ATP7B: variants seen among roughly 807,000 people sequenced by gnomAD.
ATP7B encodes the protein copper-transporting ATPase 2.
Under a neutral mutation model 118.9 loss-of-function variants are expected in ATP7B, and 113 were observed. The ratio of observed to expected loss-of-function variants is 0.95; its 90% CI spans 0.82 to 1.11. The LOEUF (loss-of-function observed/expected upper bound fraction) is 1.11. ATP7B is among the 50% of genes most tolerant of loss of function. ATP7B has a pLI of 0.00. For synonymous variants in ATP7B, 777 were observed against 727.4 expected (o/e 1.07, Z -1.10); for missense variants, 1,867 against 1,871.4 (o/e 1.00, Z 0.04).
intron 1 of ATP7B, among the ~76,000 whole-genome samples, chr13:51,979,187 CG>C (rs1276665049): frequency 6.6e-6 from 1 of 152,168 alleles, no homozygotes; most frequent in Non-Finnish European, 1.5e-5. Context: ...ACCAGTCACA[CG>C]GCCAAGCACA....
chr13:51,939,057 G>A lies in ATP7B; in HGVS notation c.3693C>T (p.Ala1231=). The A allele has an allele frequency of 6.2e-7, 1 of 1,614,236 alleles. No individual in the cohort carries two copies. The highest frequency in any genetic ancestry group is 8.5e-7 in the Non-Finnish European group (1 of 1,180,040). ...CAACATTAAAGGGCTGTACCTGGGT[G>A]GCAATAGCTCTGGCTGTCTTCCGGT... ...GDNRKTARAI[A]TQVGINKVFA... is the part of the protein sequence containing the mutation. Residue 1231 remains alanine (A), a synonymous_variant, in exon 17 of 21, where the codon GCC becomes GCT. Transcript: ENST00000242839.
Position 51,950,383 on chromosome 13 carries a change from TG to T in ATP7B, c.2463del (p.Met822TrpfsTer51). On this transcript the variant is annotated frameshift_variant, in exon 10 of 21. Coordinates refer to ENST00000242839, the MANE Select transcript of ATP7B (RefSeq NM_000053.4). LOFTEE classifies it high-confidence loss of function. ...ATATCGCCCCGCTGCACCAGCTCCA[TG>T]GGGACTTGCTCCTCCCTGCAACAAA... ...DNLIIREEQVPMELVQRGDIV... is the reference protein window; with the variant it reads ...DNLIIREEQVXMELVQRGDIV... 2 of 1,614,054 alleles carry T rather than the reference TG, an allele frequency of 1.2e-6. No homozygotes were observed. The highest frequency in any genetic ancestry group is 1.7e-6 in the Non-Finnish European group (2 of 1,180,010).
chr13:51,978,930 C>T (rs1952261672), intron 1 of ATP7B: 1 of 152,342 alleles, frequency 6.6e-6, no homozygotes, highest in East Asian at 1.9e-4. Flanking sequence ...GAAGATAGTT[C>T]ATTCATCACA....
At chr13:52,009,460 C>T (rs1208227556) in intron 1 of ATP7B, among the ~76,000 whole-genome samples, 2 of 152,164 alleles carry the variant, frequency 1.3e-5, no homozygotes, top group Non-Finnish European at 2.9e-5. Flanking sequence ...TCTCTCCCTC[C>T]TATAACCTGA....
At chr13:51,950,845 C>T (rs980841962) in intron 9 of ATP7B, among the ~76,000 whole-genome samples, 3 of 151,864 alleles carry the variant, frequency 2.0e-5, no homozygotes, top group Admixed American at 6.6e-5. Context: ...AGGAAGTTCA[C>T]GGAGAGAAAA....
At chr13:51,948,094 T>A (rs1458761762) in intron 12 of ATP7B, among the ~76,000 whole-genome samples, 1 of 152,224 alleles carries the variant, frequency 6.6e-6, no homozygotes, top group Admixed American at 6.5e-5. Flanking sequence ...GCACTGAGGT[T>A]CCTTAGATGT....
Position 51,937,568 on chromosome 13 carries a change from C to G in ATP7B, c.3811G>C (p.Asp1271His). 1 of 1,614,262 alleles carries G rather than the reference C, an allele frequency of 6.2e-7. No individual in the cohort carries two copies. Among genetic ancestry groups the G allele is most frequent in the Non-Finnish European group, 8.5e-7 (1 of 1,180,048 alleles). Residue 1271 changes from aspartate (D) to histidine (H), a missense_variant, in exon 18 of 21, where the codon GAC becomes CAC. By Grantham distance (81) the Asp-to-His change is moderately conservative (BLOSUM62 -1). Coordinates refer to ENST00000242839, the MANE Select transcript of ATP7B (RefSeq NM_000053.4). Reference sequence around the variant, plus strand: ...TCTGCCTGGGCCAAGGCCGGGGAGTCATTGACCCCATCCCCCACCATGGCG... The same window carrying G: ...TCTGCCTGGGCCAAGGCCGGGGAGTGATTGACCCCATCCCCCACCATGGCG... Reference protein sequence around the residue: ...KVAMVGDGVNDSPALAQADMG... With the variant: ...KVAMVGDGVNHSPALAQADMG...
rs767721448 is a variant in ATP7B at position 51,934,939 on chromosome 13, G to A, written c.4215C>T (p.Gly1405=). 99 of 1,613,958 alleles carry A rather than the reference G, an allele frequency of 6.1e-5. No individual in the cohort carries two copies. The highest frequency in any genetic ancestry group is 1.7e-4 in the Middle Eastern group (1 of 6,040). ...LTASQVSVHI[G]MDDRWRDSPR... Reference sequence around the variant, plus strand: ...GGGAGTCCCGCCACCTGTCATCCATGCCTATGTGCACACTGACCTGGGATG... The same window carrying A: ...GGGAGTCCCGCCACCTGTCATCCATACCTATGTGCACACTGACCTGGGATG... The change falls in exon 21 of 21, where the codon GGC becomes GGT. Residue 1405 remains glycine (G), a synonymous_variant. Transcript: ENST00000242839.
intron 1 of ATP7B, among the ~76,000 whole-genome samples, chr13:52,010,758 T>G (rs1953985815): frequency 6.6e-6 from 1 of 152,238 alleles, no homozygotes; most frequent in Non-Finnish European, 1.5e-5. Flanking sequence ...AATAAATATT[T>G]GCCGAATGAA....
At chr13:51,973,552 T>G (rs1363933087) in intron 2 of ATP7B, among the ~76,000 whole-genome samples, 1 of 152,214 alleles carries the variant, frequency 6.6e-6, no homozygotes, top group Non-Finnish European at 1.5e-5. Context: ...TCAGCACCCC[T>G]GCCATGTGAT....
rs1214560420 is a variant in ATP7B at position 51,960,249 on chromosome 13, G to T, written c.2020C>A (p.Pro674Thr). ...VMALMIYMLI[P>T]SNEPHQSMVL... ...ATGGACTGGTGGGGCTCGTTGCTGG[G>T]TATCAGCATATAGATCATTAAGGCC... Residue 674 changes from proline to threonine, a missense_variant, in exon 7 of 21, where the codon CCC becomes ACC. Pro to Thr is a conservative substitution (Grantham distance 38). Transcript: ENST00000242839. 51 of 1,613,812 alleles carry T rather than the reference G, an allele frequency of 3.2e-5. No individual in the cohort carries two copies. Among genetic ancestry groups the T allele is most frequent in the Non-Finnish European group, 4.2e-5 (50 of 1,179,840 alleles).
chr13:51,954,029 C>T (rs1021559530), intron 9 of ATP7B, among the ~76,000 whole-genome samples: 1 of 152,112 alleles, frequency 6.6e-6, no homozygotes, highest in Non-Finnish European at 1.5e-5. Context: ...CCCAGGGTGG[C>T]TGAGGCACAG....
chr13:52,009,255 G>A (rs1953914780), intron 1 of ATP7B, among the ~76,000 whole-genome samples: 1 of 152,190 alleles, frequency 6.6e-6, no homozygotes, highest in Non-Finnish European at 1.5e-5. Context: ...TAGTCCTACT[G>A]TGAGGGAGAT....
intron 1 of ATP7B, among the ~76,000 whole-genome samples, chr13:51,981,991 T>A (rs1326888340): frequency 6.7e-6 from 1 of 148,346 alleles, no homozygotes; most frequent in African/African-American, 2.4e-5. Context: ...ATAATGAGAT[T>A]TTTTTGGGTG....
intron 1 of ATP7B, among the ~76,000 whole-genome samples, chr13:51,985,046 G>A (rs1373095347): frequency 6.6e-6 from 1 of 152,136 alleles, no homozygotes; most frequent in Non-Finnish European, 1.5e-5. Context: ...CATAATGACA[G>A]GATCAAATTC....
rs918754979 is a variant in ATP7B at position 51,973,982 on chromosome 13, A to G, written c.1238T>C (p.Leu413Pro). 6.2e-7 allele frequency: 1 copy of G among 1,614,264 alleles called. No individual in the cohort carries two copies. Among genetic ancestry groups the G allele is most frequent in the African/African-American group, 1.3e-5 (1 of 75,064 alleles). Residue 413 changes from leucine to proline, a missense_variant, in exon 2 of 21, where the codon CTC becomes CCC. By Grantham distance (98) the Leu-to-Pro change is moderately conservative (BLOSUM62 -3). Coordinates refer to ENST00000242839, the MANE Select transcript of ATP7B (RefSeq NM_000053.4). ...TCCCATGTCTTCTATAGCAGCTCTG[A>G]GTTCTTCTGGGCTAATTACAGAGGG... ...YNPSVISPEELRAAIEDMGFE... is the reference protein window; with the variant it reads ...YNPSVISPEEPRAAIEDMGFE...
intron 1 of ATP7B, among the ~76,000 whole-genome samples, chr13:52,006,549 G>C (rs1488272785): frequency 6.6e-6 from 1 of 152,126 alleles, no homozygotes; most frequent in Non-Finnish European, 1.5e-5. Context: ...GTCTGGATGG[G>C]GACGATCATT....
chr13:51,960,209 T>C lies in ATP7B; in HGVS notation c.2060A>G (p.Asn687Ser), dbSNP rs778768103. 3 of 1,613,892 alleles carry C rather than the reference T, an allele frequency of 1.9e-6. No individual in the cohort carries two copies. The highest frequency in any genetic ancestry group is 1.7e-6 in the Non-Finnish European group (2 of 1,179,778). The change falls in exon 7 of 21, where the codon AAC (asparagine) becomes AGC (serine). Residue 687 changes from asparagine to serine, a missense_variant. Physicochemically the swap from Asn to Ser is conservative, Grantham distance 46 (BLOSUM62 1). Coordinates refer to ENST00000242839, the MANE Select transcript of ATP7B (RefSeq NM_000053.4). The part of the protein sequence containing the change: ...EPHQSMVLDH[N>S]IIPGLSILNL... Reference sequence around the variant, plus strand: ...TAGAATGGACAGTCCTGGAATGATGTTGTGGTCCAGGACCATGGACTGGTG... The same window carrying C: ...TAGAATGGACAGTCCTGGAATGATGCTGTGGTCCAGGACCATGGACTGGTG...
intron 9 of ATP7B, among the ~76,000 whole-genome samples, chr13:51,955,289 G>A (rs1221505136): frequency 6.6e-6 from 1 of 152,160 alleles, no homozygotes; most frequent in African/African-American, 2.4e-5. Flanking sequence ...TGAGCTCAGG[G>A]GAGGCCTAGA....
Sources: gnomAD v4.1 joint callset for allele counts (sites outside exome capture counted in the v4.1 genomes callset) on GRCh38, gnomAD v4.1.1 for gene constraint, MANE v1.5 for transcripts, NCBI Gene and HGNC (gene_info 2026-07-23, HGNC 2026-07-21) for gene names.